MCF2L2: variants seen among roughly 807,000 people sequenced by gnomAD.
MCF2L2 encodes probable guanine nucleotide exchange factor MCF2L2.
A neutral mutation model predicts 150.2 loss-of-function variants in MCF2L2; 102 were observed. The ratio of observed to expected loss-of-function variants is 0.68; its 90% CI spans 0.58 to 0.80. The LOEUF (loss-of-function observed/expected upper bound fraction) is 0.80, where lower values mean the gene tolerates loss of function less well. Ranked by LOEUF, MCF2L2 falls within the 30% of genes least tolerant of loss-of-function variation. The pLI is 0.00. For synonymous variants in MCF2L2, 465 were observed against 491.3 expected (o/e 0.95, Z 0.71); for missense variants, 1,256 against 1,372.8 (o/e 0.91, Z 1.34).
intron 6 of MCF2L2, among the ~76,000 whole-genome samples, chr3:183,320,669 C>T (rs562713106): frequency 6.6e-6 from 1 of 152,326 alleles, no homozygotes; most frequent in East Asian, 1.9e-4. Context: ...ACCACTAAAA[C>T]TTTCTCCATA....
chr3:183,290,194 A>C (rs1728044604), intron 13 of MCF2L2, among the ~76,000 whole-genome samples: 1 of 151,956 alleles, frequency 6.6e-6, no homozygotes, highest in African/African-American at 2.4e-5. Flanking sequence ...GTACACACAC[A>C]ATCATACTAT....
At chr3:183,256,281 C>T (rs1416445658) in intron 15 of MCF2L2, among the ~76,000 whole-genome samples, 1 of 152,068 alleles carries the variant, frequency 6.6e-6, no homozygotes, top group Non-Finnish European at 1.5e-5. Flanking sequence ...CCTTTGATAT[C>T]GAATCTCTGT....
chr3:183,247,413 T>C (rs1364027006), intron 15 of MCF2L2, among the ~76,000 whole-genome samples: 1 of 152,098 alleles, frequency 6.6e-6, no homozygotes, highest in Non-Finnish European at 1.5e-5. Context: ...ACATCTGCAA[T>C]CAAATATAAC....
chr3:183,357,457 T>A (rs1711855597), intron 3 of MCF2L2, among the ~76,000 whole-genome samples: 1 of 152,108 alleles, frequency 6.6e-6, no homozygotes, highest in African/African-American at 2.4e-5. Context: ...AGGTCAATCA[T>A]CCTTAATCCA....
chr3:183,412,050 TAGA>T (rs1358327580), intron 1 of MCF2L2, among the ~76,000 whole-genome samples: 4 of 152,192 alleles, frequency 2.6e-5, no homozygotes, highest in Non-Finnish European at 4.4e-5. Flanking sequence ...GCCAGAATGC[TAGA>T]AGGAGGCTCA....
chr3:183,269,230 C>CTTTTTTTTTTT lies in MCF2L2; in HGVS notation c.1862+7631_1862+7641dup, dbSNP rs60835895. On this transcript the variant is annotated intron_variant, in intron 15 of 29. Transcript: ENST00000328913. Reference sequence around the variant, plus strand: ...TACACGATTATAGCCGTTTGGGAAGCTTTTTTTTTTTTTTTTTTAAGAGTA... The same window carrying CTTTTTTTTTTT: ...TACACGATTATAGCCGTTTGGGAAGCTTTTTTTTTTTTTTTTTTTTTTTTTTTTTAAGAGTA... Among the ~76,000 whole-genome samples the CTTTTTTTTTTT allele has an allele frequency of 1.2e-3, 100 of 80,992 alleles. 22 individuals carry two copies. Among genetic ancestry groups the CTTTTTTTTTTT allele is most frequent in the African/African-American group, 5.6e-3 (89 of 15,756 alleles). The allele number at this position is 80,992 out of a possible 152,430, so 53.1% of individuals were successfully genotyped here.
intron 1 of MCF2L2, among the ~76,000 whole-genome samples, chr3:183,401,789 CA>C (rs1714770309): frequency 1.3e-5 from 2 of 152,206 alleles, no homozygotes; most frequent in South Asian, 4.1e-4. Flanking sequence ...TGCTGAGTTT[CA>C]TGTCATTGTA....
chr3:183,238,625 A>T (rs1027076058), intron 15 of MCF2L2, among the ~76,000 whole-genome samples: 17 of 151,102 alleles, frequency 1.1e-4, no homozygotes, highest in Admixed American at 5.9e-4. Flanking sequence ...GGCCCAAGAC[A>T]ATTCTTCTTC....
chr3:183,208,237 T>C (rs1007651505), intron 22 of MCF2L2, among the ~76,000 whole-genome samples: 2 of 152,214 alleles, frequency 1.3e-5, no homozygotes, highest in South Asian at 2.1e-4. Context: ...TTTGGCTGCA[T>C]TGCGGACCCA....
At chr3:183,344,326 T>C (rs1003705759) in intron 3 of MCF2L2, among the ~76,000 whole-genome samples, 5 of 152,034 alleles carry the variant, frequency 3.3e-5, no homozygotes, top group African/African-American at 1.2e-4. Context: ...CTGAAAATAT[T>C]TGAATAATTC....
chr3:183,263,396 AACT>A (rs1725800044), intron 15 of MCF2L2, among the ~76,000 whole-genome samples: 2 of 152,072 alleles, frequency 1.3e-5, no homozygotes, highest in Admixed American at 1.3e-4. Context: ...GCACAACCCT[AACT>A]ATATGGTCAA....
intron 21 of MCF2L2, among the ~76,000 whole-genome samples, chr3:183,216,578 ATATTTTTTTTTTTTTTTTTTTT>A (rs1228621495): frequency 0.011 from 77 of 6,762 alleles, 1 homozygote; most frequent in East Asian, 0.02. Context: ...ATATATATAT[ATATTTTTTTTTTTTTTTTTTTT>A]TTTTTTTTTT....
At chr3:183,196,238 G>A (rs1019085017) in intron 25 of MCF2L2, among the ~76,000 whole-genome samples, 12 of 152,180 alleles carry the variant, frequency 7.9e-5, no homozygotes, top group African/African-American at 2.9e-4. Flanking sequence ...TTACCTCCGA[G>A]AGGCCCTCTC....
chr3:183,389,928 G>A, intron 1 of MCF2L2, 149 bp from the exon 2 acceptor site: 2 of 651,014 alleles, frequency 3.1e-6, no homozygotes, highest in South Asian at 3.6e-5. Flanking sequence ...GAACTTGATT[G>A]CTGAGATCCA....
intron 7 of MCF2L2, among the ~76,000 whole-genome samples, chr3:183,313,232 AACACACACACAC>A (rs111694523): frequency 6.7e-6 from 1 of 149,304 alleles, no homozygotes. Context: ...AGCTTCCAGC[AACACACACACAC>A]ACACACACAC....
At chr3:183,366,088 A>T (rs1712504540) in intron 3 of MCF2L2, among the ~76,000 whole-genome samples, 1 of 152,148 alleles carries the variant, frequency 6.6e-6, no homozygotes, top group South Asian at 2.1e-4. Context: ...AGCCTAAGAA[A>T]GACTTTATGC....
intron 27 of MCF2L2, among the ~76,000 whole-genome samples, chr3:183,183,168 G>A (rs1721588802): frequency 6.6e-6 from 1 of 152,114 alleles, no homozygotes; most frequent in African/African-American, 2.4e-5. Flanking sequence ...GCTAATTTTT[G>A]TATTTTTTGG....
chr3:183,348,932 C>T (rs776680491), intron 3 of MCF2L2, among the ~76,000 whole-genome samples: 17 of 152,114 alleles, frequency 1.1e-4, no homozygotes, highest in Admixed American at 2.6e-4. Flanking sequence ...TCTAGTATTC[C>T]TCTCTCAGTA....
chr3:183,179,439 C>G lies in MCF2L2; in HGVS notation c.3286G>C (p.Ala1096Pro), dbSNP rs1476905161. 2.5e-6 allele frequency: 4 copies of G among 1,582,492 alleles called. No individual in the cohort carries two copies. Among genetic ancestry groups the G allele is most frequent in the East Asian group, 4.6e-5 (2 of 43,944 alleles). ...ASTGRLAPAG[A>P]TAGFQARALR... is the part of the protein sequence containing the mutation. The stretch of plus-strand genomic sequence containing the variant: ...GCCCTCGCCTGGAAACCAGCCGTCG[C>G]CCCCGCAGGAGCCAGCCGGCCCGTG... Residue 1096 changes from alanine to proline, a missense_variant, in exon 30 of 30, where the codon GCG (alanine) becomes CCG (proline). Ala to Pro is a conservative substitution (Grantham distance 27). Transcript: ENST00000328913. This position sits in a 1 kb window ranked among gnomAD's most constrained non-coding sequence, Gnocchi z 4.2.
Sources: gnomAD v4.1 joint callset for allele counts (sites outside exome capture counted in the v4.1 genomes callset) on GRCh38, gnomAD v4.1.1 for gene constraint, Gnocchi (gnomAD v3.1) non-coding constraint, MANE v1.5 for transcripts, NCBI Gene and HGNC (gene_info 2026-07-23, HGNC 2026-07-21) for gene names.